TNIK: variants seen among roughly 807,000 people sequenced by gnomAD.
TNIK encodes TRAF2 and NCK interacting kinase.
In TNIK, 49 loss-of-function variants were observed where a neutral mutation model predicts 191.3. The observed-to-expected ratio is 0.26, with a 90% CI of 0.20 to 0.32. The LOEUF (loss-of-function observed/expected upper bound fraction) is 0.32. Ranked by LOEUF, TNIK falls within the 10% of genes least tolerant of loss-of-function variation. The probability of loss-of-function intolerance (pLI) is 1.00; values close to 1 mark genes in which losing one functional copy is unlikely to be tolerated. For missense variants in TNIK, 1,155 were observed against 1,702.3 expected, an observed-to-expected ratio of 0.68 and a Z score of 5.66; for synonymous variants, 594 against 600.9, an observed-to-expected ratio of 0.99 and a Z score of 0.17.
At chr3:171,442,170 C>T (rs1726901865) in intron 1 of TNIK, among the ~76,000 whole-genome samples, 3 of 152,182 alleles carry the variant, frequency 2.0e-5, no homozygotes. Flanking sequence ...TGCAAACCAG[C>T]AGCAACTTAT....
At chr3:171,299,712 A>G (rs1285837314) in intron 2 of TNIK, among the ~76,000 whole-genome samples, 1 of 152,216 alleles carries the variant, frequency 6.6e-6, no homozygotes, top group Admixed American at 6.5e-5. Context: ...CCATATTTTA[A>G]TAAAGCTAGC....
chr3:171,178,902 C>T (rs188390280), intron 7 of TNIK, among the ~76,000 whole-genome samples: 14 of 152,218 alleles, frequency 9.2e-5, no homozygotes, highest in East Asian at 1.9e-4. Context: ...AATTCATAAC[C>T]TTCATGCTGA....
chr3:171,423,450 A>C (rs1241803240), intron 1 of TNIK, among the ~76,000 whole-genome samples: 1 of 152,142 alleles, frequency 6.6e-6, no homozygotes, highest in Non-Finnish European at 1.5e-5. Context: ...TCAAGCTACC[A>C]ATGACTTTCT....
intron 1 of TNIK, among the ~76,000 whole-genome samples, chr3:171,391,704 C>T (rs1196558802): frequency 1.3e-5 from 2 of 152,182 alleles, no homozygotes; most frequent in African/African-American, 4.8e-5. Flanking sequence ...TCTTTGTGAA[C>T]TTCCATGCAT....
intron 20 of TNIK, among the ~76,000 whole-genome samples, chr3:171,107,478 AGT>A (rs1725090931): frequency 6.6e-6 from 1 of 152,234 alleles, no homozygotes; most frequent in Non-Finnish European, 1.5e-5. Flanking sequence ...AAAAATGGAT[AGT>A]AATTCATCCC....
chr3:171,333,584 G>GAAAAAAAAAAAAA (rs562856294), intron 2 of TNIK, among the ~76,000 whole-genome samples: 1 of 114,246 alleles, frequency 8.8e-6, no homozygotes, highest in African/African-American at 3.1e-5. Context: ...CAAAAAGAAA[G>GAAAAAAAAAAAAA]AAAAAAAAAA....
At chr3:171,271,190 T>C (rs1054543001) in intron 2 of TNIK, among the ~76,000 whole-genome samples, 1 of 152,240 alleles carries the variant, frequency 6.6e-6, no homozygotes, top group African/African-American at 2.4e-5. Context: ...AATTCTTTTC[T>C]AATTGCGCAC....
At chr3:171,344,722 GAAATTCTCGTTTTTCT>G (rs1711882400) in intron 2 of TNIK, among the ~76,000 whole-genome samples, 1 of 131,812 alleles carries the variant, frequency 7.6e-6, no homozygotes, top group Non-Finnish European at 1.8e-5. Context: ...ACAACATTAC[GAAATTCTCGTTTTTCT>G]TAACTGACTC....
chr3:171,363,416 T>G (rs1715263005), intron 2 of TNIK, among the ~76,000 whole-genome samples: 1 of 152,166 alleles, frequency 6.6e-6, no homozygotes, highest in Non-Finnish European at 1.5e-5. Context: ...CTCAGTTAGC[T>G]CTGCATTATT....
Position 171,228,182 on chromosome 3 carries a change from C to T in TNIK, c.163G>A (p.Val55Ile). 3 of 1,613,602 alleles carry T rather than the reference C, an allele frequency of 1.9e-6. No homozygotes were observed. Among genetic ancestry groups the T allele is most frequent in the Non-Finnish European group, 8.5e-7 (1 of 1,179,626 alleles). The change falls in exon 3 of 33, where the codon GTT (valine) becomes ATT (isoleucine). Residue 55 changes from valine to isoleucine, a missense_variant. Val to Ile is a conservative substitution (Grantham distance 29, BLOSUM62 3). Transcript: ENST00000436636. The part of the protein sequence containing the change: ...VKTGQLAAIK[V>I]MDVTGDEEEE... ...ACACTTACCCCTGTGACATCCATAA[C>T]CTTGATGGCTGCAAGCTGGCCCGTT...
rs1283742228 is a variant in TNIK at position 171,062,168 on chromosome 3, T to G, written c.*1713A>C. The G allele has an allele frequency of 3.3e-5, 5 of 152,212 alleles. No individual in the cohort carries two copies. The highest frequency in any genetic ancestry group is 7.3e-5 in the Non-Finnish European group (5 of 68,038). 9.4% of individuals were successfully genotyped at this position (152,212 alleles called of 1,614,324 possible). ...AGGCAAAGTCAGTAAGATCGTAGTTTTTTTTGTTGTTGTTGTTCCATTTAC... is the reference window on the plus strand; with the variant it reads ...AGGCAAAGTCAGTAAGATCGTAGTTGTTTTTGTTGTTGTTGTTCCATTTAC... On this transcript the variant is annotated 3_prime_UTR_variant, in exon 33 of 33. Coordinates refer to ENST00000436636, the MANE Select transcript of TNIK (RefSeq NM_015028.4).
At chr3:171,390,454 G>A (rs570621584) in intron 1 of TNIK, among the ~76,000 whole-genome samples, 6 of 152,102 alleles carry the variant, frequency 3.9e-5, no homozygotes, top group Non-Finnish European at 5.9e-5. Context: ...AAGGCCTTTC[G>A]TTCTCACCGT....
At chr3:171,142,392 G>A (rs1172210554) in intron 12 of TNIK, among the ~76,000 whole-genome samples, 1 of 152,204 alleles carries the variant, frequency 6.6e-6, no homozygotes, top group African/African-American at 2.4e-5. Context: ...TGAGGATGGA[G>A]ACACAGCCAA....
At chr3:171,332,482 C>T (rs1319674054) in intron 2 of TNIK, among the ~76,000 whole-genome samples, 2 of 152,164 alleles carry the variant, frequency 1.3e-5, no homozygotes, top group South Asian at 2.1e-4. Context: ...CTCGCAGTGC[C>T]ACCATTTATG....
At chr3:171,207,152 C>T (rs1008176097) in intron 4 of TNIK, among the ~76,000 whole-genome samples, 1 of 152,000 alleles carries the variant, frequency 6.6e-6, no homozygotes, top group Non-Finnish European at 1.5e-5. Flanking sequence ...AGCTCAGATG[C>T]CTCTTTGAGA....
intron 29 of TNIK, among the ~76,000 whole-genome samples, chr3:171,069,260 G>A (rs912165859): frequency 3.3e-5 from 5 of 152,126 alleles, no homozygotes; most frequent in African/African-American, 1.2e-4. Flanking sequence ...TAGTGGTAAT[G>A]TATATTAAAA....
rs75631037 is a variant in TNIK, at chr3:171,079,746, C to CGTGT, written c.3314-98_3314-95dup. Reference sequence around the variant, plus strand: ...ATTTATTTCTAATTTATTTTATTTACGTGTGTGTGTGTGTGTATGAAGGCA... The same window carrying CGTGT: ...ATTTATTTCTAATTTATTTTATTTACGTGTGTGTGTGTGTGTGTGTATGAAGGCA... On this transcript the variant is annotated intron_variant, in intron 27 of 32. Coordinates refer to ENST00000436636, the MANE Select transcript of TNIK (RefSeq NM_015028.4). 8.0e-3 allele frequency: 10,561 copies of CGTGT among 1,313,994 alleles called. 222 individuals are homozygous for CGTGT. The highest frequency in any genetic ancestry group is 0.075 in the African/African-American group (5,021 of 66,950). 81.4% of individuals were successfully genotyped at this position (1,313,994 alleles called of 1,614,324 possible).
intron 2 of TNIK, among the ~76,000 whole-genome samples, chr3:171,355,143 G>C (rs949677777): frequency 2.6e-5 from 4 of 152,128 alleles, no homozygotes; most frequent in Admixed American, 1.3e-4. Flanking sequence ...CCCAAGGACA[G>C]AGCAGCCATG....
intron 18 of TNIK, among the ~76,000 whole-genome samples, chr3:171,119,084 C>T (rs989631568): frequency 6.6e-6 from 1 of 151,928 alleles, no homozygotes; most frequent in African/African-American, 2.4e-5. Context: ...ACAAAGAACT[C>T]AAACAAATTT....
Sources: gnomAD v4.1 joint callset for allele counts (sites outside exome capture counted in the v4.1 genomes callset) on GRCh38, gnomAD v4.1.1 for gene constraint, MANE v1.5 for transcripts, NCBI Gene and HGNC (gene_info 2026-07-23, HGNC 2026-07-21) for gene names.